Variants in ZBTB16 observed in about 807,000 individuals in gnomAD.
ZBTB16 encodes the protein zinc finger and BTB domain containing 16, also known as zinc finger and BTB domain-containing protein 16.
A neutral mutation model predicts 56.8 loss-of-function variants in ZBTB16; 8 were observed. The observed-to-expected ratio is 0.14, with a 90% CI of 0.08 to 0.25. The LOEUF is 0.25. ZBTB16 is among the 10% of genes least tolerant of loss of function. The pLI is 1.00. For synonymous variants in ZBTB16, 363 were observed against 368.5 expected (o/e 0.98, Z 0.17); for missense variants, 625 against 903.0 (o/e 0.69, Z 3.95).
intron 3 of ZBTB16, among the ~76,000 whole-genome samples, chr11:114,178,054 T>A (rs1943158960): frequency 6.6e-6 from 1 of 152,174 alleles, no homozygotes; most frequent in African/African-American, 2.4e-5. Flanking sequence ...CCATGAGTGA[T>A]GATGGGAGCA....
chr11:114,202,054 TAGAAC>T (rs572620701), intron 4 of ZBTB16, among the ~76,000 whole-genome samples: 114 of 152,332 alleles, frequency 7.5e-4, no homozygotes, highest in African/African-American at 2.6e-3. Flanking sequence ...TTCCCACTGT[TAGAAC>T]AGATAAATGC....
chr11:114,248,794 G>A (rs1944862443), intron 6 of ZBTB16, among the ~76,000 whole-genome samples: 1 of 152,226 alleles, frequency 6.6e-6, no homozygotes, highest in African/African-American at 2.4e-5. Context: ...ATTTCCCAGA[G>A]CCCTGGGGTT....
At chr11:114,171,701 C>A (rs1942973337) in intron 3 of ZBTB16, among the ~76,000 whole-genome samples, 1 of 152,238 alleles carries the variant, frequency 6.6e-6, no homozygotes, top group African/African-American at 2.4e-5. Flanking sequence ...TGGGAGCATA[C>A]ATAGAGTTCA....
chr11:114,147,177 C>A (rs1942129574), intron 2 of ZBTB16, among the ~76,000 whole-genome samples: 1 of 152,148 alleles, frequency 6.6e-6, no homozygotes, highest in Non-Finnish European at 1.5e-5. Context: ...TGGTTTAATT[C>A]CAGAGGAACT....
chr11:114,173,196 G>A (rs1049116158), intron 3 of ZBTB16, among the ~76,000 whole-genome samples: 2 of 152,230 alleles, frequency 1.3e-5, no homozygotes, highest in African/African-American at 4.8e-5. Context: ...TAGAGAGCCC[G>A]CTTCTTGTCC....
chr11:114,074,289 C>G (rs1273689413), intron 2 of ZBTB16, among the ~76,000 whole-genome samples: 2 of 152,208 alleles, frequency 1.3e-5, no homozygotes, highest in Non-Finnish European at 2.9e-5. Flanking sequence ...GTTGGCACGG[C>G]TCTCCTTGCC....
intron 1 of ZBTB16, chr11:114,061,276 G>A (rs1264206539): frequency 2.0e-5 from 3 of 152,100 alleles, no homozygotes; most frequent in African/African-American, 7.2e-5. Flanking sequence ...GCGGGTGGGG[G>A]AGACGGCTGC....
intron 2 of ZBTB16, among the ~76,000 whole-genome samples, chr11:114,120,606 G>C (rs1233979449): frequency 1.3e-5 from 2 of 152,146 alleles, no homozygotes; most frequent in African/African-American, 4.8e-5. Context: ...CTTCCCCTCT[G>C]TCCCTGCTCC....
chr11:114,235,689 TCTTTTCTTTCTTTC>T (rs1273761111), intron 4 of ZBTB16, among the ~76,000 whole-genome samples: 831 of 22,484 alleles, frequency 0.037, 9 homozygotes, highest in Admixed American at 0.064. Context: ...TTTCTTTCTT[TCTTTTCTTTCTTTC>T]TTTTCTTTCT....
At position 114,074,923 on chromosome 11, in the gene ZBTB16, T is replaced by C. The variant is rs527274019; in HGVS notation, c.1268+10355T>C. On this transcript the variant is annotated intron_variant, in intron 2 of 6. Transcript: ENST00000335953. The stretch of plus-strand genomic sequence containing the variant: ...TGTGGTATGTTGCAGCCTTGAACTT[T>C]TGATTTATGCAGTGAGGGCGACTTA... 1.5e-4 allele frequency among the ~76,000 whole-genome samples: 23 copies of C among 152,284 alleles called. No homozygotes were observed. The South Asian group carries it at 3.5e-3, about 23-fold the overall frequency.
At chr11:114,066,346 GGT>G (rs1939117253) in intron 2 of ZBTB16, among the ~76,000 whole-genome samples, 1 of 152,168 alleles carries the variant, frequency 6.6e-6, no homozygotes, top group Non-Finnish European at 1.5e-5. Context: ...CCGCCACTAA[GGT>G]GTGTCTTCTT....
chr11:114,134,070 G>A (rs1941737438), intron 2 of ZBTB16, among the ~76,000 whole-genome samples: 1 of 152,186 alleles, frequency 6.6e-6, no homozygotes, highest in Non-Finnish European at 1.5e-5. Context: ...TCTCAACACT[G>A]GATCGTGACA....
rs1327606411 is a variant in ZBTB16, at chr11:114,059,904, G to A, written c.-91+22G>A. Reference sequence around the variant, plus strand: ...TGCGGTGAGTGAGGGGCCGGGAAGAGGCGCACCGCCCAGCGAGCGCCGCGC... The same window carrying A: ...TGCGGTGAGTGAGGGGCCGGGAAGAAGCGCACCGCCCAGCGAGCGCCGCGC... On this transcript the variant is annotated intron_variant, in intron 1 of 6. Coordinates refer to ENST00000335953, the MANE Select transcript of ZBTB16 (RefSeq NM_006006.6). This position sits in a 1 kb window ranked among gnomAD's most constrained non-coding sequence, Gnocchi z 5.3. The A allele has an allele frequency of 2.5e-6, 1 of 397,222 alleles. No homozygotes were observed. The highest frequency in any genetic ancestry group is 3.6e-5 in the East Asian group (1 of 27,942). The allele number at this position is 397,222 out of a possible 1,614,324, so 24.6% of individuals were successfully genotyped here. A position where few individuals can be genotyped will look rare whatever the true frequency, so the allele number is the denominator to read the frequency against.
intron 2 of ZBTB16, among the ~76,000 whole-genome samples, chr11:114,085,194 A>G (rs1362416847): frequency 2.0e-5 from 3 of 152,198 alleles, no homozygotes; most frequent in Non-Finnish European, 4.4e-5. Flanking sequence ...GGACAAACGT[A>G]CCTCAAACCA....
At chr11:114,180,940 C>T (rs1463842452) in intron 3 of ZBTB16, 1 of 152,182 alleles carries the variant, frequency 6.6e-6, no homozygotes, top group Middle Eastern at 3.2e-3. Context: ...ATTTCAGAGC[C>T]AGGTTGGTGA....
At chr11:114,179,048 G>A (rs1313443587) in intron 3 of ZBTB16, among the ~76,000 whole-genome samples, 1 of 152,146 alleles carries the variant, frequency 6.6e-6, no homozygotes, top group Non-Finnish European at 1.5e-5. Context: ...CTCCCATCTT[G>A]TAGTGAGTGA....
At chr11:114,176,442 C>T (rs1030466621) in intron 3 of ZBTB16, among the ~76,000 whole-genome samples, 8 of 152,168 alleles carry the variant, frequency 5.3e-5, no homozygotes, top group Admixed American at 1.3e-4. Context: ...TTGGCACAGC[C>T]GCACTGACCC....
chr11:114,192,392 G>A (rs1412859969), intron 4 of ZBTB16, among the ~76,000 whole-genome samples: 2 of 152,314 alleles, frequency 1.3e-5, no homozygotes, highest in African/African-American at 2.4e-5. Context: ...TTCTCAGTAG[G>A]GAAGTGACAG....
At position 114,063,182 on chromosome 11, in the gene ZBTB16, T is replaced by C; in HGVS notation, c.-90-29T>C. On this transcript the variant is annotated intron_variant, in intron 1 of 6. Transcript: ENST00000335953. This position sits in a 1 kb window ranked among gnomAD's most constrained non-coding sequence, Gnocchi z 6.5. ...ATTTGTCTTTTGTTCTCTCATCTCT[T>C]TTGCTTCTTCCCCTCTTCTTTCTCC... 1 of 1,149,344 alleles carries C rather than the reference T, an allele frequency of 8.7e-7. No homozygotes were observed. The highest frequency in any genetic ancestry group is 1.3e-5 in the South Asian group (1 of 75,140). The allele number at this position is 1,149,344 out of a possible 1,614,324, so 71.2% of individuals were successfully genotyped here.
Sources: allele counts gnomAD v4.1 joint callset (sites outside exome capture counted in the v4.1 genomes callset), GRCh38; gene constraint gnomAD v4.1.1; non-coding constraint Gnocchi (gnomAD v3.1); transcripts MANE v1.5; gene names NCBI Gene and HGNC (gene_info 2026-07-23, HGNC 2026-07-21).